Variants in PTP4A2 observed in about 807,000 individuals in gnomAD.
PTP4A2 encodes the protein protein tyrosine phosphatase type IVA 2.
A neutral mutation model predicts 22.9 loss-of-function variants in PTP4A2; 2 were observed. The ratio of observed to expected loss-of-function variants is 0.09; its 90% CI spans 0.04 to 0.27. The LOEUF (loss-of-function observed/expected upper bound fraction) is 0.27. Among genes scored for constraint, PTP4A2 ranks in the 10% least tolerant of loss-of-function variants. The pLI, the probability that PTP4A2 is intolerant of heterozygous loss-of-function variation, is 1.00. For missense variants in PTP4A2, 103 were observed against 205.1 expected (o/e 0.50, Z 3.04); for synonymous variants, 68 against 69.1 (o/e 0.98, Z 0.08).
rs1038411195 is a variant in PTP4A2 at position 31,938,144 on chromosome 1, CCGG to C, written c.-754_-752del. The stretch of plus-strand genomic sequence containing the variant: ...CTCGGCGCGCGACACCCGGCCCGGC[CCGG>C]CGGCGGCGGCGGCGGCGCGTCTCCA... On this transcript the variant is annotated 5_prime_UTR_variant, in exon 1 of 6. Transcript: ENST00000647444. The surrounding 1 kb of genome is among the most constrained non-coding windows in gnomAD (Gnocchi z 4.4). 1.4e-4 allele frequency: 20 copies of C among 147,256 alleles called. No homozygotes were observed. Among genetic ancestry groups the C allele is most frequent in the Non-Finnish European group, 1.8e-4 (12 of 66,376 alleles). The allele number at this position is 147,256 out of a possible 1,614,324, so 9.1% of individuals were successfully genotyped here. A position where few individuals can be genotyped will look rare whatever the true frequency, so the allele number is the denominator to read the frequency against.
chr1:31,918,106 G>A (rs1339034097), intron 2 of PTP4A2, among the ~76,000 whole-genome samples: 3 of 151,994 alleles, frequency 2.0e-5, no homozygotes, highest in South Asian at 2.1e-4. Context: ...AAAATTAGCC[G>A]GGAGTGGTGG....
In PTP4A2 at chr1:31,919,115, GA is replaced by G. The variant is rs370536901; in HGVS notation, c.-51del. On this transcript the variant is annotated 5_prime_UTR_variant, in exon 2 of 6. Transcript: ENST00000647444. Reference sequence around the variant, plus strand: ...TGCGTGTGAGTGTGATGGGGAAAGTGAAAAAAAAAAATCAATAAATCTTGAA... The same window carrying G: ...TGCGTGTGAGTGTGATGGGGAAAGTGAAAAAAAAAATCAATAAATCTTGAA... 0.05 allele frequency: 33,191 copies of G among 667,776 alleles called. 746 individuals are homozygous for G. The highest frequency in any genetic ancestry group is 0.18 in the African/African-American group (9,411 of 52,522). 41.4% of individuals were successfully genotyped at this position (667,776 alleles called of 1,614,324 possible). A position where few individuals can be genotyped will look rare whatever the true frequency, so the allele number is the denominator to read the frequency against.
In PTP4A2 at chr1:31,911,689, A is replaced by G; in HGVS notation, c.320+7T>C. On this transcript the variant is annotated splice_region_variant and intron_variant, in intron 4 of 5. Transcript: ENST00000647444. Reference sequence around the variant, plus strand: ...AGACAAAAAGGGTAATAAAGGTAAGAGTTTACCTTCCCAATCCTGCAACAC... The same window carrying G: ...AGACAAAAAGGGTAATAAAGGTAAGGGTTTACCTTCCCAATCCTGCAACAC... 6.3e-6 allele frequency: 10 copies of G among 1,575,014 alleles called. No homozygotes were observed. The highest frequency in any genetic ancestry group is 2.3e-5 in the East Asian group (1 of 43,124).
At chr1:31,915,746 C>T (rs1470450299) in intron 3 of PTP4A2, 149 bp downstream of exon 3, 2 of 580,364 alleles carry the variant, frequency 3.4e-6, no homozygotes, top group South Asian at 2.3e-5. Context: ...CGCCACATTG[C>T]CCAGGCTGGT....
chr1:31,935,948 C>T (rs1010024656), intron 1 of PTP4A2, among the ~76,000 whole-genome samples: 4 of 151,946 alleles, frequency 2.6e-5, no homozygotes, highest in African/African-American at 7.3e-5. Flanking sequence ...GCACGCACTA[C>T]CACGCCTAAC....
intron 3 of PTP4A2, chr1:31,913,955 C>A: frequency 2.2e-6 from 1 of 449,740 alleles, no homozygotes; most frequent in South Asian, 1.6e-5. Flanking sequence ...ACTTTTTAAA[C>A]ACAGGGCTGC....
Position 31,911,944 on chromosome 1 carries a change from T to C in PTP4A2, c.190-118A>G, listed in dbSNP as rs148531079. 762 of 545,678 alleles carry C rather than the reference T, an allele frequency of 1.4e-3. 6 individuals are homozygous for C. Among genetic ancestry groups the C allele is most frequent in the African/African-American group, 0.014 (702 of 51,008 alleles). 33.8% of individuals were successfully genotyped at this position (545,678 alleles called of 1,614,324 possible). On this transcript the variant is annotated intron_variant, in intron 3 of 5. Transcript: ENST00000647444. ...CTAACTGAACTAACTGCACTATATA[T>C]ACCTATTGTTAACACAATTCTGATC...
intron 1 of PTP4A2, among the ~76,000 whole-genome samples, chr1:31,929,058 G>A (rs1251549806): frequency 6.6e-6 from 1 of 152,158 alleles, no homozygotes; most frequent in Non-Finnish European, 1.5e-5. Context: ...TCCTTTTCTA[G>A]TAATTTCTAC....
At position 31,907,177 on chromosome 1, in the gene PTP4A2, G is replaced by A. The variant is rs932339809; in HGVS notation, c.*1675C>T. 3 of 152,200 alleles carry A rather than the reference G, an allele frequency of 2.0e-5. No homozygotes were observed. Among genetic ancestry groups the A allele is most frequent in the African/African-American group, 7.2e-5 (3 of 41,436 alleles). The allele number at this position is 152,200 out of a possible 1,614,324, so 9.4% of individuals were successfully genotyped here. A position where few individuals can be genotyped will look rare whatever the true frequency, so the allele number is the denominator to read the frequency against. ...GTCTGTTCCTATTGGCCTAGCTGAC[G>A]CTAACAAAATGGGAGGCTTATGGCT... On this transcript the variant is annotated 3_prime_UTR_variant, in exon 6 of 6. Transcript: ENST00000647444.
rs1325109658 is a variant in PTP4A2 at position 31,906,438 on chromosome 1, T to G, written c.*2414A>C. 1 of 152,114 alleles carries G rather than the reference T, an allele frequency of 6.6e-6. No homozygotes were observed. The highest frequency in any genetic ancestry group is 1.5e-5 in the Non-Finnish European group (1 of 68,024). 9.4% of individuals were successfully genotyped at this position (152,114 alleles called of 1,614,324 possible). A position where few individuals can be genotyped will look rare whatever the true frequency, so the allele number is the denominator to read the frequency against. On this transcript the variant is annotated 3_prime_UTR_variant, in exon 6 of 6. Transcript: ENST00000647444. ...TGCACAAAGAGCGTGTAAAATATGT[T>G]TTATTGTTCTTTAAAAGGGTTCAGG...
In PTP4A2 at chr1:31,928,326, G is replaced by A. The variant is rs896368465; in HGVS notation, c.-593-8668C>T. ...ACAGTCCTAGGAAGGTGATAAAGAG[G>A]TATCAATTCAATTCTACACAAATAA... On this transcript the variant is annotated intron_variant, in intron 1 of 5. Transcript: ENST00000647444. 2.7e-5 allele frequency among the ~76,000 whole-genome samples: 4 copies of A among 150,598 alleles called. No homozygotes were observed. In the East Asian group the frequency reaches 7.7e-4, roughly 29 times the overall value.
intron 5 of PTP4A2, 101 bp from the exon 6 acceptor site, chr1:31,909,061 G>C: frequency 1.2e-6 from 1 of 832,880 alleles, no homozygotes; most frequent in South Asian, 1.6e-5. Flanking sequence ...ATTCCACACA[G>C]CTGAAAACCA....
At chr1:31,934,505 A>ACC (rs1316314242) in intron 1 of PTP4A2, among the ~76,000 whole-genome samples, 1 of 152,156 alleles carries the variant, frequency 6.6e-6, no homozygotes, top group Non-Finnish European at 1.5e-5. Flanking sequence ...GTGGTTACCA[A>ACC]CCCCCACATT....
In PTP4A2 at chr1:31,908,241, T is replaced by G. The variant is rs1188646953; in HGVS notation, c.*611A>C. 21 of 119,140 alleles carry G rather than the reference T, an allele frequency of 1.8e-4. 2 individuals carry two copies. The highest frequency in any genetic ancestry group is 4.8e-4 in the South Asian group (2 of 4,176). The allele number at this position is 119,140 out of a possible 1,614,324, so 7.4% of individuals were successfully genotyped here. ...TTTTTTTGGTGTTGTTTTTTGTTTT[T>G]TTTTTTTTTTTATCTAAAAGTGCCC... is the stretch of plus-strand genomic sequence containing the variant. On this transcript the variant is annotated 3_prime_UTR_variant, in exon 6 of 6. Coordinates refer to ENST00000647444, the MANE Select transcript of PTP4A2 (RefSeq NM_080391.4).
chr1:31,935,847 TG>T (rs940817216), intron 1 of PTP4A2, among the ~76,000 whole-genome samples: 10 of 152,150 alleles, frequency 6.6e-5, no homozygotes, highest in African/African-American at 2.4e-4. Context: ...TTATTTTTTT[TG>T]AGAGAGGGTC....
chr1:31,933,295 A>C (rs1025737596), intron 1 of PTP4A2: 1 of 152,170 alleles, frequency 6.6e-6, no homozygotes, highest in African/African-American at 2.4e-5. Context: ...GACTTTTCTA[A>C]TATTTCACAG....
In PTP4A2 at chr1:31,911,799, G is replaced by A; in HGVS notation, c.217C>T (p.Pro73Ser). 6.3e-7 allele frequency: 1 copy of A among 1,582,578 alleles called. No homozygotes were observed. Among genetic ancestry groups the A allele is most frequent in the Non-Finnish European group, 8.5e-7 (1 of 1,169,916 alleles). The change falls in exon 4 of 6, where the codon CCC becomes TCC. Residue 73 changes from proline (P) to serine (S), a missense_variant. Coordinates refer to ENST00000647444, the MANE Select transcript of PTP4A2 (RefSeq NM_080391.4). Reference protein sequence around the residue: ...LDWPFDDGAPPPNQIVDDWLN... With the variant: ...LDWPFDDGAPSPNQIVDDWLN... ...CAATCATCTACTATCTGATTAGGGG[G>A]TGGAGCTCCATCATCAAATGGCCAA...
rs1420635649 is a variant in PTP4A2, at chr1:31,907,887, G to A, written c.*965C>T. On this transcript the variant is annotated 3_prime_UTR_variant, in exon 6 of 6. Transcript: ENST00000647444. ...TGGCCTGGAGTCCTCCCTTTTAGAA[G>A]ACAAGTTTCTGGGATAACCACTTAG... 2.6e-5 allele frequency: 4 copies of A among 151,370 alleles called. No homozygotes were observed. Among genetic ancestry groups the A allele is most frequent in the African/African-American group, 9.7e-5 (4 of 41,172 alleles). 9.4% of individuals were successfully genotyped at this position (151,370 alleles called of 1,614,324 possible). A position where few individuals can be genotyped will look rare whatever the true frequency, so the allele number is the denominator to read the frequency against.
chr1:31,937,152 A>G (rs1406052265), intron 1 of PTP4A2, among the ~76,000 whole-genome samples: 1 of 152,222 alleles, frequency 6.6e-6, no homozygotes, highest in East Asian at 1.9e-4. Context: ...CAGGGGCCCC[A>G]GACTAGGATA....
Sources: gnomAD v4.1 joint callset for allele counts (sites outside exome capture counted in the v4.1 genomes callset) on GRCh38, gnomAD v4.1.1 for gene constraint, Gnocchi (gnomAD v3.1) non-coding constraint, MANE v1.5 for transcripts, NCBI Gene and HGNC (gene_info 2026-07-23, HGNC 2026-07-21) for gene names.